VAT1L: variants seen among roughly 807,000 people sequenced by gnomAD.
VAT1L encodes vesicle amine transport 1 like.
In VAT1L, 34 loss-of-function variants were observed where a neutral mutation model predicts 44.1. That is an observed-to-expected ratio of 0.77 (90% CI 0.59 to 1.03). VAT1L has a LOEUF of 1.03. Ranked by LOEUF, VAT1L falls within the 50% of genes least tolerant of loss-of-function variation. VAT1L has a pLI of 0.00. For synonymous variants in VAT1L, 253 were observed against 202.2 expected, an observed-to-expected ratio of 1.25 and a Z score of -2.13; for missense variants, 615 against 538.8, an observed-to-expected ratio of 1.14 and a Z score of -1.40.
At chr16:77,907,276 C>T (rs866569767) in intron 7 of VAT1L, among the ~76,000 whole-genome samples, 20 of 152,186 alleles carry the variant, frequency 1.3e-4, no homozygotes, top group African/African-American at 4.8e-4. Flanking sequence ...ACAGAGTTGG[C>T]TGACAATACG....
intron 7 of VAT1L, among the ~76,000 whole-genome samples, chr16:77,945,830 T>C (rs1051693556): frequency 1.3e-5 from 2 of 150,664 alleles, no homozygotes; most frequent in African/African-American, 4.9e-5. Context: ...TGAGACAAAG[T>C]CTCGCTCTGT....
At chr16:77,902,829 T>C (rs1470795868) in intron 7 of VAT1L, among the ~76,000 whole-genome samples, 1 of 151,586 alleles carries the variant, frequency 6.6e-6, no homozygotes, top group Non-Finnish European at 1.5e-5. Context: ...AAAACCTAGC[T>C]GGGAATGGTT....
At chr16:77,888,497 ATGAC>A (rs1167807823) in intron 7 of VAT1L, among the ~76,000 whole-genome samples, 1 of 152,252 alleles carries the variant, frequency 6.6e-6, no homozygotes, top group Non-Finnish European at 1.5e-5. Flanking sequence ...AGATGAATGA[ATGAC>A]TGAACAAGGT....
At chr16:77,969,340 C>T (rs1002187046) in intron 7 of VAT1L, among the ~76,000 whole-genome samples, 1 of 151,954 alleles carries the variant, frequency 6.6e-6, no homozygotes, top group Non-Finnish European at 1.5e-5. Flanking sequence ...CAGAGTTGCT[C>T]TGGTTCAAAT....
intron 3 of VAT1L, 68 bp downstream of exon 3, chr16:77,825,529 G>T: frequency 6.6e-7 from 1 of 1,506,140 alleles, no homozygotes; most frequent in African/African-American, 1.4e-5. Flanking sequence ...ACACCCCCCT[G>T]AGGTCTTATG....
chr16:77,809,978 C>G (rs920191915), intron 1 of VAT1L, among the ~76,000 whole-genome samples: 3 of 152,038 alleles, frequency 2.0e-5, no homozygotes, highest in African/African-American at 7.2e-5. Flanking sequence ...GCTACAAATC[C>G]AGGAGGGAGA....
At chr16:77,877,775 A>AT (rs113593541) in intron 5 of VAT1L, among the ~76,000 whole-genome samples, 5,114 of 152,182 alleles carry the variant, frequency 0.034, 299 homozygotes, top group African/African-American at 0.12. Flanking sequence ...ATATGCAAGC[A>AT]TTTTTTTGTC....
chr16:77,937,676 C>A (rs898920425), intron 7 of VAT1L, among the ~76,000 whole-genome samples: 4 of 152,238 alleles, frequency 2.6e-5, no homozygotes, highest in Non-Finnish European at 1.5e-5. Context: ...AGTATGCACT[C>A]CTCCCAGTGA....
intron 3 of VAT1L, among the ~76,000 whole-genome samples, chr16:77,847,902 A>C (rs1363366909): frequency 6.6e-6 from 1 of 152,194 alleles, no homozygotes; most frequent in East Asian, 1.9e-4. Flanking sequence ...AAATATCAAG[A>C]ACTGCTGATG....
chr16:77,900,703 AAAAAAG>A (rs1164744041), intron 7 of VAT1L, among the ~76,000 whole-genome samples: 2 of 151,476 alleles, frequency 1.3e-5, no homozygotes, highest in African/African-American at 4.9e-5. Context: ...TTGAAAAAAA[AAAAAAG>A]AAAATAGAAA....
intron 7 of VAT1L, among the ~76,000 whole-genome samples, chr16:77,962,678 T>C (rs2018173723): frequency 1.4e-5 from 2 of 141,144 alleles, no homozygotes; most frequent in African/African-American, 2.7e-5. Context: ...AATCCAGGAG[T>C]TCAAGACCAG....
At chr16:77,789,870 C>A (rs1365221160) in intron 1 of VAT1L, among the ~76,000 whole-genome samples, 2 of 152,120 alleles carry the variant, frequency 1.3e-5, no homozygotes, top group African/African-American at 4.8e-5. Context: ...CTGTAATTTC[C>A]CTGAAGTTCT....
rs2018379782 is a variant in VAT1L, at chr16:77,979,732, A to G, written c.*2037A>G. ...TGGTTTTATTTAACTAGCAAAGTTA[A>G]TCCAGTAATCGCAAATTACTCCAGA... is the stretch of plus-strand genomic sequence containing the variant. On this transcript the variant is annotated 3_prime_UTR_variant, in exon 9 of 9. Coordinates refer to ENST00000302536, the MANE Select transcript of VAT1L (RefSeq NM_020927.3). 6.6e-6 allele frequency: 1 copy of G among 152,652 alleles called. No individual in the cohort carries two copies. The highest frequency in any genetic ancestry group is 2.4e-5 in the African/African-American group (1 of 41,466). The allele number at this position is 152,652 out of a possible 1,614,324, so 9.5% of individuals were successfully genotyped here.
At chr16:77,791,665 G>C (rs2015837872) in intron 1 of VAT1L, among the ~76,000 whole-genome samples, 1 of 152,024 alleles carries the variant, frequency 6.6e-6, no homozygotes, top group African/African-American at 2.4e-5. Context: ...TCCCCTCTTA[G>C]CATGCAGTCT....
At chr16:77,871,424 G>T (rs970976250) in intron 4 of VAT1L, among the ~76,000 whole-genome samples, 3 of 152,140 alleles carry the variant, frequency 2.0e-5, no homozygotes, top group African/African-American at 7.2e-5. Context: ...TTAAGCCCAA[G>T]AAAGCACCCC....
chr16:77,940,837 C>A (rs2017873858), intron 7 of VAT1L, among the ~76,000 whole-genome samples: 1 of 152,080 alleles, frequency 6.6e-6, no homozygotes, highest in Non-Finnish European at 1.5e-5. Flanking sequence ...CATGGAATAG[C>A]CTTACATTGT....
At chr16:77,922,813 A>C (rs537832090) in intron 7 of VAT1L, among the ~76,000 whole-genome samples, 1 of 152,264 alleles carries the variant, frequency 6.6e-6, no homozygotes, top group South Asian at 2.1e-4. Context: ...ATTTAAACCT[A>C]AGTTTGCCTG....
intron 7 of VAT1L, among the ~76,000 whole-genome samples, chr16:77,965,811 A>T (rs952245158): frequency 3.9e-5 from 6 of 152,298 alleles, no homozygotes; most frequent in Middle Eastern, 3.4e-3. Flanking sequence ...CACTGTCTCC[A>T]CATATCCACT....
At chr16:77,897,212 A>G (rs2017333485) in intron 7 of VAT1L, among the ~76,000 whole-genome samples, 1 of 152,198 alleles carries the variant, frequency 6.6e-6, no homozygotes, top group Non-Finnish European at 1.5e-5. Context: ...GCAGATAAAC[A>G]TGCTGTGGAT....
Sources: allele counts gnomAD v4.1 joint callset (sites outside exome capture counted in the v4.1 genomes callset), GRCh38; gene constraint gnomAD v4.1.1; transcripts MANE v1.5; gene names NCBI Gene and HGNC (gene_info 2026-07-23, HGNC 2026-07-21).